Variants in TMCC1 observed in about 807,000 individuals in gnomAD.
TMCC1 encodes the protein transmembrane and coiled-coil domains protein 1.
Under a neutral mutation model 52.4 loss-of-function variants are expected in TMCC1, and 15 were observed. The observed-to-expected ratio is 0.29, with a 90% CI of 0.19 to 0.44. The LOEUF is 0.44. TMCC1 is among the 20% of genes least tolerant of loss of function. TMCC1 has a pLI of 1.00. For missense variants in TMCC1, 503 were observed against 806.0 expected, an observed-to-expected ratio of 0.62 and a Z score of 4.55; for synonymous variants, 279 against 301.9, an observed-to-expected ratio of 0.92 and a Z score of 0.79.
intron 4 of TMCC1, among the ~76,000 whole-genome samples, chr3:129,724,575 C>T (rs1383140336): frequency 3.9e-5 from 6 of 152,150 alleles, no homozygotes; most frequent in Non-Finnish European, 7.4e-5. Context: ...TGTGAATAAC[C>T]TCATTTTTCA....
intron 4 of TMCC1, among the ~76,000 whole-genome samples, chr3:129,790,866 C>T (rs2056405936): frequency 6.6e-6 from 1 of 152,044 alleles, no homozygotes; most frequent in Admixed American, 6.6e-5. Context: ...TTATTCAAAT[C>T]AATACCTCTC....
chr3:129,815,966 G>A (rs1055741337), intron 4 of TMCC1, among the ~76,000 whole-genome samples: 1 of 152,050 alleles, frequency 6.6e-6, no homozygotes, highest in African/African-American at 2.4e-5. Context: ...GCACACAAAT[G>A]GCCAACAAGT....
At chr3:129,795,355 A>C (rs2056751076) in intron 4 of TMCC1, among the ~76,000 whole-genome samples, 1 of 152,214 alleles carries the variant, frequency 6.6e-6, no homozygotes, top group African/African-American at 2.4e-5. Flanking sequence ...CACTGTGAGG[A>C]TAACGTTTCA....
chr3:129,710,205 A>G (rs2048567966), intron 4 of TMCC1, among the ~76,000 whole-genome samples: 2 of 151,940 alleles, frequency 1.3e-5, no homozygotes, highest in Admixed American at 1.3e-4. Flanking sequence ...AAACAAACAA[A>G]CAAACAAACA....
chr3:129,648,690 C>CT lies in TMCC1; in HGVS notation c.*2790dup, dbSNP rs66523428. The stretch of plus-strand genomic sequence containing the variant: ...AAGGGAATGAATACAGTTTTCTTTT[C>CT]TTTTTTTTTTAGAGGAGCATTCAAA... On this transcript the variant is annotated 3_prime_UTR_variant, in exon 7 of 7. Transcript: ENST00000393238. 0.73 allele frequency: 108,727 copies of CT among 148,344 alleles called. 43,325 individuals carry two copies. Among genetic ancestry groups the CT allele is most frequent in the Non-Finnish European group, 0.91 (60,682 of 66,822 alleles). 9.2% of individuals were successfully genotyped at this position (148,344 alleles called of 1,614,324 possible). A position where few individuals can be genotyped will look rare whatever the true frequency, so the allele number is the denominator to read the frequency against.
In TMCC1 at chr3:129,832,157, CAACT is replaced by C. The variant is rs1386578174; in HGVS notation, c.-131+613_-131+616del. Reference sequence around the variant, plus strand: ...TAGGCATGAGTCACCGCGCCCCACCCAACTAACTAATTTTAGATCCCTGGTTTAA... The same window carrying C: ...TAGGCATGAGTCACCGCGCCCCACCCAACTAATTTTAGATCCCTGGTTTAA... On this transcript the variant is annotated intron_variant, in intron 3 of 6. Coordinates refer to ENST00000393238, the MANE Select transcript of TMCC1 (RefSeq NM_001017395.5). 1.1e-4 allele frequency among the ~76,000 whole-genome samples: 16 copies of C among 152,232 alleles called. No individual in the cohort carries two copies. The East Asian group carries it at 1.5e-3, about 15-fold the overall frequency.
intron 4 of TMCC1, among the ~76,000 whole-genome samples, chr3:129,700,594 A>G (rs1268491791): frequency 6.6e-6 from 1 of 151,800 alleles, no homozygotes; most frequent in Non-Finnish European, 1.5e-5. Flanking sequence ...CTCTTGCCTC[A>G]TCCTCCGGAG....
At chr3:129,835,914 A>G (rs2059138334) in intron 2 of TMCC1, among the ~76,000 whole-genome samples, 1 of 152,236 alleles carries the variant, frequency 6.6e-6, no homozygotes, top group African/African-American at 2.4e-5. Flanking sequence ...GATGTCAAAC[A>G]TAAATTCAAA....
intron 5 of TMCC1, among the ~76,000 whole-genome samples, chr3:129,668,244 TA>T (rs780766467): frequency 1.3e-5 from 2 of 152,196 alleles, no homozygotes; most frequent in African/African-American, 2.4e-5. Flanking sequence ...TGTGTGGTTT[TA>T]AAAATTTTTT....
intron 4 of TMCC1, among the ~76,000 whole-genome samples, chr3:129,675,905 C>T (rs1163364176): frequency 6.6e-6 from 1 of 151,820 alleles, no homozygotes; most frequent in Non-Finnish European, 1.5e-5. Context: ...GGCGTGGTGG[C>T]GGGTGCCTGT....
At chr3:129,793,591 A>T (rs956110043) in intron 4 of TMCC1, among the ~76,000 whole-genome samples, 2 of 152,216 alleles carry the variant, frequency 1.3e-5, no homozygotes, top group African/African-American at 4.8e-5. Context: ...ACCTCTTTCC[A>T]TATTAGTTTC....
intron 2 of TMCC1, among the ~76,000 whole-genome samples, chr3:129,845,471 G>C (rs1560535462): frequency 6.6e-6 from 1 of 151,942 alleles, no homozygotes; most frequent in Non-Finnish European, 1.5e-5. Flanking sequence ...ATGAAGGTGA[G>C]GAAAGGCATC....
At chr3:129,745,611 G>C (rs1373543276) in intron 4 of TMCC1, among the ~76,000 whole-genome samples, 1 of 151,948 alleles carries the variant, frequency 6.6e-6, no homozygotes, top group Non-Finnish European at 1.5e-5. Context: ...CCTTCCCAAA[G>C]GAGAGAGAGA....
At chr3:129,705,727 G>T (rs2048174272) in intron 4 of TMCC1, among the ~76,000 whole-genome samples, 1 of 149,706 alleles carries the variant, frequency 6.7e-6, no homozygotes, top group South Asian at 2.1e-4. Context: ...TGAGTAGCTG[G>T]GACTACAGGC....
At chr3:129,818,069 C>T (rs1401019249) in intron 4 of TMCC1, among the ~76,000 whole-genome samples, 1 of 152,046 alleles carries the variant, frequency 6.6e-6, no homozygotes, top group Non-Finnish European at 1.5e-5. Flanking sequence ...CTCGGCCTCC[C>T]AAAGTGCTGG....
At chr3:129,769,461 C>T (rs1472261710) in intron 4 of TMCC1, among the ~76,000 whole-genome samples, 1 of 151,886 alleles carries the variant, frequency 6.6e-6, no homozygotes, top group Non-Finnish European at 1.5e-5. Context: ...AACTCATGAC[C>T]TCAGGTGATC....
At chr3:129,676,350 C>T (rs561462251) in intron 4 of TMCC1, among the ~76,000 whole-genome samples, 6 of 152,284 alleles carry the variant, frequency 3.9e-5, no homozygotes, top group African/African-American at 1.2e-4. Flanking sequence ...CAAGGCAATG[C>T]GCTAAAAAGC....
intron 4 of TMCC1, among the ~76,000 whole-genome samples, chr3:129,693,311 A>C (rs775939831): frequency 6.7e-4 from 102 of 152,282 alleles, no homozygotes; most frequent in African/African-American, 2.0e-3. Flanking sequence ...TAAATACAAA[A>C]CAAACCAAAC....
intron 4 of TMCC1, among the ~76,000 whole-genome samples, chr3:129,757,497 C>T (rs1287534908): frequency 6.6e-6 from 1 of 152,094 alleles, no homozygotes; most frequent in Admixed American, 6.5e-5. Flanking sequence ...TGGCTTATGA[C>T]CCCTCTCAAC....
Sources: gnomAD v4.1 joint callset for allele counts (sites outside exome capture counted in the v4.1 genomes callset) on GRCh38, gnomAD v4.1.1 for gene constraint, MANE v1.5 for transcripts, NCBI Gene and HGNC (gene_info 2026-07-23, HGNC 2026-07-21) for gene names.